Variants in ABL2 observed in about 807,000 individuals in gnomAD.
ABL2 encodes ABL proto-oncogene 2, non-receptor tyrosine kinase, also known as tyrosine-protein kinase ABL2.
ABL2 carries 49 observed loss-of-function variants against 107.7 expected under a neutral mutation model. The ratio of observed to expected loss-of-function variants is 0.45; its 90% CI spans 0.36 to 0.58. The LOEUF is 0.58. ABL2 is among the 20% of genes least tolerant of loss of function. The pLI is 0.00. For synonymous variants in ABL2, 549 were observed against 548.6 expected (o/e 1.00, Z -0.01); for missense variants, 1,245 against 1,457.0 (o/e 0.85, Z 2.37).
At chr1:179,190,099 G>A (rs1293240394) in intron 1 of ABL2, among the ~76,000 whole-genome samples, 1 of 151,994 alleles carries the variant, frequency 6.6e-6, no homozygotes, top group Admixed American at 6.6e-5. Flanking sequence ...TTACAGGCGT[G>A]AGCCACCGGG....
At chr1:179,186,956 C>T (rs565104404) in intron 1 of ABL2, among the ~76,000 whole-genome samples, 2 of 152,176 alleles carry the variant, frequency 1.3e-5, no homozygotes, top group African/African-American at 2.4e-5. Flanking sequence ...AGGCTGGTCT[C>T]GAACTCCTGA....
intron 1 of ABL2, chr1:179,221,791 A>C (rs1662878761): frequency 5.3e-6 from 1 of 189,016 alleles, no homozygotes. Context: ...AGAGGATTTT[A>C]CCAAAAAAAA....
At chr1:179,110,666 T>G (rs188393910) in intron 10 of ABL2, 10 of 1,555,276 alleles carry the variant, frequency 6.4e-6, no homozygotes. Flanking sequence ...GTGGCAGGGG[T>G]TCTCATTGCT....
chr1:179,172,516 T>G (rs1277452039), intron 1 of ABL2, among the ~76,000 whole-genome samples: 1 of 152,234 alleles, frequency 6.6e-6, no homozygotes, highest in East Asian at 1.9e-4. Context: ...GCAAGGTCTC[T>G]GCTCTAGAGC....
rs1663415676 is a variant in ABL2, at chr1:179,229,302, G to A, written c.96C>T (p.Gly32=). 1.3e-6 allele frequency: 2 copies of A among 1,579,848 alleles called. No homozygotes were observed. Among genetic ancestry groups the A allele is most frequent in the South Asian group, 2.3e-5 (2 of 87,366 alleles). Residue 32 remains glycine (G), a synonymous_variant, in exon 1 of 12, where the codon GGC becomes GGT. Transcript: ENST00000502732. ...IRGSSAARPS[G]RRRDPAGRTT... ...TGCGCCCCGCCGGGTCCCGCCTGCG[G>A]CCGGAGGGCCTGGCTGCACTGCTGC...
intron 1 of ABL2, among the ~76,000 whole-genome samples, chr1:179,163,532 C>T (rs1427214064): frequency 6.6e-6 from 1 of 151,874 alleles, no homozygotes; most frequent in African/African-American, 2.4e-5. Flanking sequence ...GGATCACTTG[C>T]GGTCAGGAGT....
chr1:179,130,946 T>C (rs1057393292), intron 3 of ABL2, among the ~76,000 whole-genome samples: 2 of 151,326 alleles, frequency 1.3e-5, no homozygotes, highest in African/African-American at 2.4e-5. Flanking sequence ...ATTTTTTTTT[T>C]TTTTTCTTTT....
Position 179,102,075 on chromosome 1 carries a change from G to C in ABL2, c.*5643C>G, listed in dbSNP as rs564588541. The C allele has an allele frequency of 6.7e-6, 1 of 150,374 alleles. No individual in the cohort carries two copies. Among genetic ancestry groups the C allele is most frequent in the Non-Finnish European group, 1.4e-5 (1 of 72,398 alleles). The allele number at this position is 150,374 out of a possible 1,614,324, so 9.3% of individuals were successfully genotyped here. A position where few individuals can be genotyped will look rare whatever the true frequency, so the allele number is the denominator to read the frequency against. Reference sequence around the variant, plus strand: ...CACCCAGGCTGGAGTGCAGTGGCGCGATCTGGGCTCACTGCAAGCTCCGCC... The same window carrying C: ...CACCCAGGCTGGAGTGCAGTGGCGCCATCTGGGCTCACTGCAAGCTCCGCC... On this transcript the variant is annotated 3_prime_UTR_variant, in exon 12 of 12. Coordinates refer to ENST00000502732, the MANE Select transcript of ABL2 (RefSeq NM_007314.4).
Position 179,147,533 on chromosome 1 carries a change from C to T in ABL2, c.158-14159G>A, listed in dbSNP as rs146422802. Among the ~76,000 whole-genome samples, 418 of 152,236 alleles carry T rather than the reference C, an allele frequency of 2.7e-3. 1 individual carries two copies. Among genetic ancestry groups the T allele is most frequent in the African/African-American group, 9.0e-3 (374 of 41,540 alleles). ...GATATACCATGGAATACTACTTAGC[C>T]ATAAAGAAGAATAAAATCATGTATT... On this transcript the variant is annotated intron_variant, in intron 1 of 11. Coordinates refer to ENST00000502732, the MANE Select transcript of ABL2 (RefSeq NM_007314.4).
intron 1 of ABL2, among the ~76,000 whole-genome samples, chr1:179,135,057 AG>A (rs1354211027): frequency 6.6e-6 from 1 of 152,350 alleles, no homozygotes; most frequent in African/African-American, 2.4e-5. Context: ...GCTGGAGTGC[AG>A]TGGCGTGATC....
chr1:179,172,806 G>A (rs1210587434), intron 1 of ABL2, among the ~76,000 whole-genome samples: 1 of 152,102 alleles, frequency 6.6e-6, no homozygotes, highest in Non-Finnish European at 1.5e-5. Flanking sequence ...AATTAACAGG[G>A]TTAGACAAAT....
At chr1:179,113,803 C>T (rs1654337545) in intron 9 of ABL2, among the ~76,000 whole-genome samples, 1 of 150,258 alleles carries the variant, frequency 6.7e-6, no homozygotes, top group Non-Finnish European at 1.5e-5. Flanking sequence ...TGGTGGCGGC[C>T]GGCGCCTATA....
chr1:179,167,478 G>A (rs1286316187), intron 1 of ABL2, among the ~76,000 whole-genome samples: 2 of 152,188 alleles, frequency 1.3e-5, no homozygotes, highest in African/African-American at 4.8e-5. Flanking sequence ...CATTAACAGA[G>A]TGAAGTAAGT....
At chr1:179,173,422 G>A (rs1449352528) in intron 1 of ABL2, among the ~76,000 whole-genome samples, 1 of 139,692 alleles carries the variant, frequency 7.2e-6, no homozygotes, top group African/African-American at 2.7e-5. Flanking sequence ...GAGTGCAATG[G>A]CACGATCTCA....
chr1:179,132,084 T>A (rs1053785811), intron 2 of ABL2, among the ~76,000 whole-genome samples: 17 of 152,148 alleles, frequency 1.1e-4, no homozygotes, highest in African/African-American at 4.1e-4. Context: ...TGGCAAAAAA[T>A]AATCTTTTTT....
chr1:179,183,758 T>C (rs1660517334), intron 1 of ABL2: 1 of 153,666 alleles, frequency 6.5e-6, no homozygotes, highest in African/African-American at 2.4e-5. Context: ...AAAAGATCAC[T>C]CTAAAATTAT....
At chr1:179,176,589 C>T (rs1174025222) in intron 1 of ABL2, among the ~76,000 whole-genome samples, 1 of 151,904 alleles carries the variant, frequency 6.6e-6, no homozygotes, top group Non-Finnish European at 1.5e-5. Context: ...GATTATCTCA[C>T]TTTGGGAGCT....
intron 1 of ABL2, among the ~76,000 whole-genome samples, chr1:179,156,108 C>A (rs1380847953): frequency 6.6e-6 from 1 of 152,072 alleles, no homozygotes; most frequent in African/African-American, 2.4e-5. Flanking sequence ...AAATAAAAAA[C>A]AAAACAAAAC....
In ABL2 at chr1:179,102,806, A is replaced by G; in HGVS notation, c.*4912T>C. 1 of 226,604 alleles carries G rather than the reference A, an allele frequency of 4.4e-6. No homozygotes were observed. Among genetic ancestry groups the G allele is most frequent in the East Asian group, 6.4e-5 (1 of 15,726 alleles). 14.0% of individuals were successfully genotyped at this position (226,604 alleles called of 1,614,324 possible). On this transcript the variant is annotated 3_prime_UTR_variant, in exon 12 of 12. Transcript: ENST00000502732. The stretch of plus-strand genomic sequence containing the variant: ...AAGGCAATTTACTTTTGAGTATTTT[A>G]TAATAGGTGAATTAAATTCAGCTAT...
Sources: gnomAD v4.1 joint callset for allele counts (sites outside exome capture counted in the v4.1 genomes callset) on GRCh38, gnomAD v4.1.1 for gene constraint, MANE v1.5 for transcripts, NCBI Gene and HGNC (gene_info 2026-07-23, HGNC 2026-07-21) for gene names.